Variants in TTN observed in about 807,000 individuals in gnomAD.
TTN encodes connectin.
TTN carries 1,525 observed loss-of-function variants against 3,223.0 expected under a neutral mutation model. The ratio of observed to expected loss-of-function variants is 0.47; its 90% CI spans 0.45 to 0.49. The LOEUF (loss-of-function observed/expected upper bound fraction) is 0.49. TTN is among the 20% of genes least tolerant of loss of function. The pLI, the probability that TTN is intolerant of heterozygous loss-of-function variation, is 0.00. For synonymous variants in TTN, 14,094 were observed against 15,161.0 expected (o/e 0.93, Z 5.17); for missense variants, 40,786 against 43,424.0 (o/e 0.94, Z 5.40).
chr2:178,551,861 C>T lies in TTN; in HGVS notation c.91039G>A (p.Ala30347Thr). 6.2e-7 allele frequency: 1 copy of T among 1,613,892 alleles called. No homozygotes were observed. Among genetic ancestry groups the T allele is most frequent in the Non-Finnish European group, 8.5e-7 (1 of 1,179,830 alleles). The change falls in exon 335 of 363, where the codon GCT becomes ACT. Residue 30347 changes from alanine to threonine, a missense_variant. By Grantham distance (58) the Ala-to-Thr change is moderately conservative. Coordinates refer to ENST00000589042, the MANE Select transcript of TTN (RefSeq NM_001267550.2). ...TCTGAACCACCATCATAAACTGGAG[C>T]ATCCCAAGTTAGTGACATGCCATCA... ...TSDGMSLTWDAPVYDGGSEVT... is the reference protein window; with the variant it reads ...TSDGMSLTWDTPVYDGGSEVT...
chr2:178,749,076 C>T, intron 47 of TTN: 2 of 1,612,882 alleles, frequency 1.2e-6, no homozygotes, highest in Non-Finnish European at 1.7e-6. Context: ...AGGGATTCTT[C>T]ATATACAATG....
chr2:178,551,792 G>A lies in TTN; in HGVS notation c.91108C>T (p.Leu30370Phe), dbSNP rs876658092. Residue 30370 changes from leucine to phenylalanine, a missense_variant, in exon 335 of 363, where the codon CTC becomes TTC. Physicochemically the swap from Leu to Phe is conservative, Grantham distance 22. Coordinates refer to ENST00000589042, the MANE Select transcript of TTN (RefSeq NM_001267550.2). The stretch of plus-strand genomic sequence containing the variant: ...GGTGATGTATTAACTTTTTGCCAGA[G>A]GATGCTATTTCTTTCTTTCTTTTCA... ...HVEKKERNSI[L>F]WQKVNTSPIS... 3.1e-6 allele frequency: 5 copies of A among 1,613,658 alleles called. No individual in the cohort carries two copies. The highest frequency in any genetic ancestry group is 1.1e-5 in the South Asian group (1 of 91,072).
intron 2 of TTN, 96 bp from the exon 3 acceptor site, chr2:178,802,437 A>G: frequency 7.1e-7 from 1 of 1,411,050 alleles, no homozygotes; most frequent in Non-Finnish European, 9.8e-7. Flanking sequence ...CGAATCTGTA[A>G]AAGCTTTCCA....
At position 178,689,524 on chromosome 2, in the gene TTN, G is replaced by A; in HGVS notation, c.31918C>T (p.Pro10640Ser). 1 of 1,609,810 alleles carries A rather than the reference G, an allele frequency of 6.2e-7. No homozygotes were observed. The highest frequency in any genetic ancestry group is 8.5e-7 in the Non-Finnish European group (1 of 1,177,538). ...AGATGGGATTAAGTACCTGCTGGTG[G>A]TGGAGATTCCTCTCTTTGAGTTACA... is the stretch of plus-strand genomic sequence containing the variant. ...TIVTQREESPPPAVPEIPKKK... is the reference protein window; with the variant it reads ...TIVTQREESPSPAVPEIPKKK... The change falls in exon 123 of 363, where the codon CCA becomes TCA. Residue 10640 changes from proline to serine, a missense_variant. Transcript: ENST00000589042.
At chr2:178,638,641 C>T (rs889739754) in intron 223 of TTN, among the ~76,000 whole-genome samples, 3 of 150,852 alleles carry the variant, frequency 2.0e-5, no homozygotes, top group Admixed American at 6.6e-5. Context: ...AACAAATTGT[C>T]AAGGCATTAT....
rs747236787 is a variant in TTN, at chr2:178,604,269, G to A, written c.54418C>T (p.Arg18140Ter). ...CCATATTTATTCACTGCCCTGACTC[G>A]GAACTCATACTGACCATTGGGGATA... ...KLIPNGQYEF[R>*]VRAVNKYGIS... is the part of the protein sequence containing the mutation. Residue 18140 changes from arginine (R) to a stop codon, truncating the protein, a stop_gained, in exon 282 of 363, where the codon CGA (arginine) becomes TGA (stop). Coordinates refer to ENST00000589042, the MANE Select transcript of TTN (RefSeq NM_001267550.2). LOFTEE classifies it high-confidence loss of function. 1.9e-6 allele frequency: 3 copies of A among 1,552,662 alleles called. No homozygotes were observed. Among genetic ancestry groups the A allele is most frequent in the Non-Finnish European group, 8.7e-7 (1 of 1,147,616 alleles).
intron 12 of TTN, 97 bp downstream of exon 12, chr2:178,789,881 C>T: frequency 1.3e-6 from 2 of 1,534,168 alleles, no homozygotes; most frequent in South Asian, 2.3e-5. Context: ...TTTTAAAAGG[C>T]AAATACAGAT....
intron 98 of TTN, 51 bp downstream of exon 98, chr2:178,710,584 T>C: frequency 1.3e-6 from 2 of 1,561,890 alleles, no homozygotes; most frequent in Non-Finnish European, 1.7e-6. Context: ...CTTCAGGCTA[T>C]ACTACAAAAT....
In TTN at chr2:178,574,028, A is replaced by C. The variant is rs759861907; in HGVS notation, c.72104T>G (p.Phe24035Cys). ...EAPKIKVDVK[F>C]KDTVILKAGE... ...TGCTTTTAATATAACCGTGTCCTTA[A>C]ATTTAACATCCACCTTTATCTTTGG... is the stretch of plus-strand genomic sequence containing the variant. Residue 24035 changes from phenylalanine (F) to cysteine (C), a missense_variant, in exon 326 of 363, where the codon TTT becomes TGT. Physicochemically the swap from Phe to Cys is radical, Grantham distance 205. Coordinates refer to ENST00000589042, the MANE Select transcript of TTN (RefSeq NM_001267550.2). The C allele has an allele frequency of 5.0e-6, 8 of 1,613,432 alleles. No individual in the cohort carries two copies. The highest frequency in any genetic ancestry group is 6.8e-6 in the Non-Finnish European group (8 of 1,179,608).
chr2:178,786,104 A>T lies in TTN; in HGVS notation c.2114T>A (p.Val705Asp), dbSNP rs756066854. 6.2e-7 allele frequency: 1 copy of T among 1,613,918 alleles called. No individual in the cohort carries two copies. Among genetic ancestry groups the T allele is most frequent in the Non-Finnish European group, 8.5e-7 (1 of 1,179,974 alleles). ...TCGGGCCTGGTCTACTGCAGCAACA[A>T]CTGTTGCTACAGCTTCAGCCTTTTT... ...VGKKAEAVATVVAAVDQARVR... is the reference protein window; with the variant it reads ...VGKKAEAVATDVAAVDQARVR... The change falls in exon 14 of 363, where the codon GTT becomes GAT. Residue 705 changes from valine (V) to aspartate (D), a missense_variant. Transcript: ENST00000589042.
rs768467821 is a variant in TTN, at chr2:178,534,753, G to A, written c.101862C>T (p.Thr33954=). The change falls in exon 358 of 363, where the codon ACC becomes ACT. Residue 33954 remains threonine (T), a synonymous_variant. Coordinates refer to ENST00000589042, the MANE Select transcript of TTN (RefSeq NM_001267550.2). ...CTTGACCAAATTCTATGATTTTAAT[G>A]GTAGAGCTTCTTCTGGTTTGGTAAA... ...NIIYQTRRSS[T]IKIIEFGQAR... 3.7e-6 allele frequency: 6 copies of A among 1,613,636 alleles called. No individual in the cohort carries two copies. In the African/African-American group the frequency reaches 6.7e-5, roughly 18 times the overall value.
chr2:178,784,106 T>C lies in TTN; in HGVS notation c.2739A>G (p.Glu913=). The change falls in exon 16 of 363, where the codon GAA becomes GAG. Residue 913 remains glutamate (E), a synonymous_variant. Transcript: ENST00000589042. ...GVSITGTTVR[E]ERFEVLHGRE... is the part of the protein sequence containing the mutation. ...GTCCGTGCAGTACTTCAAAGCGCTC[T>C]TCACGGACGGTGGTGCCAGTGATGC... 2 of 1,613,986 alleles carry C rather than the reference T, an allele frequency of 1.2e-6. No individual in the cohort carries two copies. Among genetic ancestry groups the C allele is most frequent in the Non-Finnish European group, 1.7e-6 (2 of 1,179,990 alleles).
At chr2:178,680,453 T>C (rs1290998256) in intron 138 of TTN, 122 bp from the exon 139 acceptor site, 1 of 803,608 alleles carries the variant, frequency 1.2e-6, no homozygotes, top group Non-Finnish European at 2.1e-6. Context: ...ACATATGCGA[T>C]TGTTCATCTT....
At position 178,605,691 on chromosome 2, in the gene TTN, CCT is replaced by C; in HGVS notation, c.53602_53603del (p.Arg17868AlafsTer5). The C allele has an allele frequency of 6.3e-7, 1 of 1,575,260 alleles. No individual in the cohort carries two copies. The highest frequency in any genetic ancestry group is 1.8e-5 in the Admixed American group (1 of 56,872). On this transcript the variant is annotated frameshift_variant, in exon 279 of 363. Coordinates refer to ENST00000589042, the MANE Select transcript of TTN (RefSeq NM_001267550.2). LOFTEE classifies it high-confidence loss of function. ...DPLGPPTSPE[R>X]LTYTERTKST... ...ACTTTGTCCTTTCAGTGTATGTGAG[CCT>C]CTCTGGAGATGTTGGAGGACCTTTA...
intron 240 of TTN, among the ~76,000 whole-genome samples, chr2:178,627,685 T>C (rs1420974237): frequency 6.6e-6 from 1 of 151,970 alleles, no homozygotes; most frequent in Admixed American, 6.6e-5. Context: ...AAATAAAATG[T>C]GAATAAGATT....
At position 178,598,647 on chromosome 2, in the gene TTN, A is replaced by G. The variant is rs372019333; in HGVS notation, c.56970T>C (p.Pro18990=). The change falls in exon 292 of 363, where the codon CCT becomes CCC. Residue 18990 remains proline, a synonymous_variant. Coordinates refer to ENST00000589042, the MANE Select transcript of TTN (RefSeq NM_001267550.2). ...CTGTCACTTTGGGAAATGGAGGACC[A>G]GGAGGGGCTGCAAAGAGCCAGTATA... ...PATARDPIAP[P]GPPFPKVTDW... The G allele has an allele frequency of 1.9e-4, 298 of 1,603,172 alleles. 1 individual carries two copies. The African/African-American group carries it at 3.6e-3, about 19-fold the overall frequency.
At position 178,608,313 on chromosome 2, in the gene TTN, G is replaced by A. The variant is rs765424593; in HGVS notation, c.52570C>T (p.Leu17524=). The A allele has an allele frequency of 3.1e-6, 5 of 1,612,422 alleles. No homozygotes were observed. In the South Asian group the frequency reaches 5.5e-5, roughly 18 times the overall value. The change falls in exon 275 of 363, where the codon CTG becomes TTG. Residue 17524 remains leucine (L), a synonymous_variant. Transcript: ENST00000589042. ...THWSRVNKSL[L]NALKANVDGL... ...TCTACATTGGCTTTCAAGGCATTCA[G>A]AAGGCTTTTGTTGACACGAGACCAA... is the stretch of plus-strand genomic sequence containing the variant.
At position 178,529,083 on chromosome 2, in the gene TTN, T is replaced by C. The variant is rs763925635; in HGVS notation, c.106668A>G (p.Lys35556=). ...CTTTGAGGGCTAACTTTTCTTGAGA[T>C]TTTGCCTCTGACATCTTAATTTCTT... ...RSEEIKMSEA[K]SQEKLALKEE... Residue 35556 remains lysine (K), a synonymous_variant, in exon 360 of 363, where the codon AAA becomes AAG. Coordinates refer to ENST00000589042, the MANE Select transcript of TTN (RefSeq NM_001267550.2). The C allele has an allele frequency of 1.9e-6, 3 of 1,613,124 alleles. No individual in the cohort carries two copies. In the Admixed American group the frequency reaches 5.0e-5, roughly 27 times the overall value.
At position 178,664,070 on chromosome 2, in the gene TTN, A is replaced by T. The variant is rs1320113925; in HGVS notation, c.36309T>A (p.Pro12103=). ...KVHEAPKEII[P]EKKVSVVPPK... Reference sequence around the variant, plus strand: ...GAGGCACCACCGACACTTTCTTTTCAGGGATAATCTCTTTGGGAGCTTCGT... The same window carrying T: ...GAGGCACCACCGACACTTTCTTTTCTGGGATAATCTCTTTGGGAGCTTCGT... Residue 12103 remains proline, a synonymous_variant, in exon 169 of 363, where the codon CCT becomes CCA. Coordinates refer to ENST00000589042, the MANE Select transcript of TTN (RefSeq NM_001267550.2). The T allele has an allele frequency of 6.2e-7, 1 of 1,612,794 alleles. No homozygotes were observed. Among genetic ancestry groups the T allele is most frequent in the African/African-American group, 1.3e-5 (1 of 74,852 alleles).
Sources: gnomAD v4.1 joint callset for allele counts (sites outside exome capture counted in the v4.1 genomes callset) on GRCh38, gnomAD v4.1.1 for gene constraint, MANE v1.5 for transcripts, NCBI Gene and HGNC (gene_info 2026-07-23, HGNC 2026-07-21) for gene names.